The following LCP2 variants were observed in gnomAD, a reference collection of about 807,000 sequenced individuals.
LCP2 encodes lymphocyte cytosolic protein 2.
Under a neutral mutation model 74.5 loss-of-function variants are expected in LCP2, and 29 were observed. The ratio of observed to expected loss-of-function variants is 0.39; its 90% CI spans 0.29 to 0.53. The LOEUF (loss-of-function observed/expected upper bound fraction) is 0.53, where lower values mean the gene tolerates loss of function less well. LCP2 is among the 20% of genes least tolerant of loss of function. The pLI is 0.72. For synonymous variants in LCP2, 228 were observed against 229.5 expected (o/e 0.99, Z 0.06); for missense variants, 604 against 634.6 (o/e 0.95, Z 0.52).
At chr5:170,287,327 C>T (rs560005331) in intron 3 of LCP2, among the ~76,000 whole-genome samples, 1 of 152,286 alleles carries the variant, frequency 6.6e-6, no homozygotes, top group Non-Finnish European at 1.5e-5. Context: ...TGTTTTCAAC[C>T]TGACCAATTT....
chr5:170,268,203 C>T (rs965054392), intron 8 of LCP2, among the ~76,000 whole-genome samples, 182 bp downstream of exon 8: 1 of 152,136 alleles, frequency 6.6e-6, no homozygotes, highest in Non-Finnish European at 1.5e-5. Flanking sequence ...CAGTATTTTA[C>T]CCCAAAAAAG....
At chr5:170,265,316 G>T (rs987453065) in intron 10 of LCP2, among the ~76,000 whole-genome samples, 1 of 152,120 alleles carries the variant, frequency 6.6e-6, no homozygotes, top group African/African-American at 2.4e-5. Context: ...TATTCTCTGA[G>T]CATGTTAAAA....
chr5:170,248,881 C>T, intron 20 of LCP2, 62 bp from the exon 21 acceptor site: 1 of 1,562,256 alleles, frequency 6.4e-7, no homozygotes, highest in Non-Finnish European at 8.8e-7. Flanking sequence ...ACTTCACTTT[C>T]AGTTTTTTTA....
In LCP2 at chr5:170,262,949, A is replaced by T; in HGVS notation, c.798+18T>A. 1 of 1,614,000 alleles carries T rather than the reference A, an allele frequency of 6.2e-7. No individual in the cohort carries two copies. The highest frequency in any genetic ancestry group is 8.5e-7 in the Non-Finnish European group (1 of 1,179,884). Reference sequence around the variant, plus strand: ...GTGAAACAAACAAACACAACCAAAAAACAAGTTCACAGCTTACCTTGTCAG... The same window carrying T: ...GTGAAACAAACAAACACAACCAAAATACAAGTTCACAGCTTACCTTGTCAG... On this transcript the variant is annotated intron_variant, in intron 11 of 20. Transcript: ENST00000046794.
intron 4 of LCP2, 118 bp from the exon 5 acceptor site, chr5:170,275,469 G>A (rs887779294): frequency 3.4e-6 from 4 of 1,183,536 alleles, no homozygotes; most frequent in Non-Finnish European, 3.7e-6. Context: ...CACTGCTCAA[G>A]AGAGGTTTGT....
At chr5:170,258,804 A>C in intron 15 of LCP2, 62 bp downstream of exon 15, 1 of 1,241,466 alleles carries the variant, frequency 8.1e-7, no homozygotes, top group Non-Finnish European at 1.2e-6. Context: ...TTCCACTTGA[A>C]TGCCTGAGCA....
intron 3 of LCP2, among the ~76,000 whole-genome samples, chr5:170,276,740 C>A (rs530420354): frequency 6.6e-6 from 1 of 152,166 alleles, no homozygotes; most frequent in East Asian, 1.9e-4. Context: ...CTGATGAGAC[C>A]AGCGAGACCC....
At chr5:170,250,450 C>T (rs1158423905) in intron 20 of LCP2, among the ~76,000 whole-genome samples, 2 of 152,052 alleles carry the variant, frequency 1.3e-5, no homozygotes, top group African/African-American at 4.8e-5. Flanking sequence ...CCTTTGACAC[C>T]ATCTAAATAG....
At chr5:170,269,602 AC>A (rs1761856320) in intron 7 of LCP2, among the ~76,000 whole-genome samples, 1 of 152,070 alleles carries the variant, frequency 6.6e-6, no homozygotes, top group African/African-American at 2.4e-5. Context: ...TTATCCTTTA[AC>A]CTTGGTTTAA....
At chr5:170,278,896 A>T (rs1244852197) in intron 3 of LCP2, among the ~76,000 whole-genome samples, 1 of 151,026 alleles carries the variant, frequency 6.6e-6, no homozygotes, top group Admixed American at 6.6e-5. Flanking sequence ...TCCTGCTTTA[A>T]GGGGCTACAG....
At chr5:170,259,662 G>T (rs993807955) in intron 14 of LCP2, among the ~76,000 whole-genome samples, 5 of 152,168 alleles carry the variant, frequency 3.3e-5, no homozygotes, top group African/African-American at 9.7e-5. Context: ...GCTACTACTT[G>T]TGTCTGGCTT....
At position 170,297,559 on chromosome 5, in the gene LCP2, T is replaced by C. The variant is rs776574601; in HGVS notation, c.53A>G (p.Asp18Gly). The C allele has an allele frequency of 2.5e-6, 4 of 1,613,256 alleles. No homozygotes were observed. The highest frequency in any genetic ancestry group is 3.4e-6 in the Non-Finnish European group (4 of 1,179,604). The change falls in exon 1 of 21, where the codon GAC becomes GGC. Residue 18 changes from aspartate (D) to glycine (G), a missense_variant. Transcript: ENST00000046794. Reference sequence around the variant, plus strand: ...CTTCTTGAAATAGTCAGCAAGGCTGTCGGGGTCCCAGCCCAGGACCTCTGA... The same window carrying C: ...CTTCTTGAAATAGTCAGCAAGGCTGCCGGGGTCCCAGCCCAGGACCTCTGA... ...FRSEVLGWDP[D>G]SLADYFKKLN...
At chr5:170,265,189 G>A (rs1044624486) in intron 10 of LCP2, among the ~76,000 whole-genome samples, 4 of 151,832 alleles carry the variant, frequency 2.6e-5, no homozygotes, top group South Asian at 4.2e-4. Flanking sequence ...GGGTTTCACC[G>A]TGTTAGCCAG....
intron 7 of LCP2, among the ~76,000 whole-genome samples, chr5:170,269,758 G>A (rs1761861200): frequency 6.6e-6 from 1 of 152,116 alleles, no homozygotes; most frequent in Non-Finnish European, 1.5e-5. Flanking sequence ...CAGTCCCTTG[G>A]CGAGGGCTGT....
At position 170,297,576 on chromosome 5, in the gene LCP2, G is replaced by A; in HGVS notation, c.36C>T (p.Val12=). 6.2e-7 allele frequency: 1 copy of A among 1,613,038 alleles called. No homozygotes were observed. Among genetic ancestry groups the A allele is most frequent in the Non-Finnish European group, 8.5e-7 (1 of 1,179,532 alleles). The part of the protein sequence containing the change: ...ALRNVPFRSE[V]LGWDPDSLAD... Reference sequence around the variant, plus strand: ...CAAGGCTGTCGGGGTCCCAGCCCAGGACCTCTGAGCGAAAGGGCACATTCC... The same window carrying A: ...CAAGGCTGTCGGGGTCCCAGCCCAGAACCTCTGAGCGAAAGGGCACATTCC... Residue 12 remains valine, a synonymous_variant, in exon 1 of 21, where the codon GTC becomes GTT. Coordinates refer to ENST00000046794, the MANE Select transcript of LCP2 (RefSeq NM_005565.5).
At chr5:170,281,481 T>A (rs7708149) in intron 3 of LCP2, among the ~76,000 whole-genome samples, 5 of 151,966 alleles carry the variant, frequency 3.3e-5, no homozygotes, top group African/African-American at 9.7e-5. Context: ...AGCGTTTCAC[T>A]GTGTTAGCCA....
Position 170,274,335 on chromosome 5 carries a change from C to G in LCP2, c.290G>C (p.Ser97Thr). 1 of 1,613,108 alleles carries G rather than the reference C, an allele frequency of 6.2e-7. No individual in the cohort carries two copies. The highest frequency in any genetic ancestry group is 1.1e-5 in the South Asian group (1 of 90,756). Residue 97 changes from serine (S) to threonine (T), a missense_variant, in exon 6 of 21, where the codon AGC becomes ACC. Coordinates refer to ENST00000046794, the MANE Select transcript of LCP2 (RefSeq NM_005565.5). ...QVPRFPEETE[S>T]HEEDNGGWSS... is the part of the protein sequence containing the mutation. ...CCAGCCCCCATTGTCCTCTTCGTGG[C>G]TTTCTGTGGAAGGAGATGACACCAC...
intron 13 of LCP2, among the ~76,000 whole-genome samples, 159 bp downstream of exon 13, chr5:170,262,476 C>A (rs1479136029): frequency 6.6e-6 from 1 of 152,184 alleles, no homozygotes; most frequent in Non-Finnish European, 1.5e-5. Context: ...TCCTTCATAG[C>A]CAACCTGTGA....
intron 3 of LCP2, among the ~76,000 whole-genome samples, chr5:170,283,927 G>A (rs543178789): frequency 2.6e-5 from 4 of 152,226 alleles, no homozygotes; most frequent in South Asian, 2.1e-4. Flanking sequence ...TCCTACGAGC[G>A]CTTGAACTTG....
Sources: allele counts gnomAD v4.1 joint callset (sites outside exome capture counted in the v4.1 genomes callset), GRCh38; gene constraint gnomAD v4.1.1; transcripts MANE v1.5; gene names NCBI Gene and HGNC (gene_info 2026-07-23, HGNC 2026-07-21).